UBXN2A: variants seen among roughly 807,000 people sequenced by gnomAD.
UBXN2A encodes the protein UBX domain protein 2A.
Under a neutral mutation model 28.4 loss-of-function variants are expected in UBXN2A, and 28 were observed. The ratio of observed to expected loss-of-function variants is 0.99; its 90% CI spans 0.73 to 1.35. The LOEUF (loss-of-function observed/expected upper bound fraction) is 1.35, where lower values mean the gene tolerates loss of function less well. Ranked by LOEUF, UBXN2A falls within the 40% of genes most tolerant of loss-of-function variation. The pLI, the probability that UBXN2A is intolerant of heterozygous loss-of-function variation, is 0.00. For missense variants in UBXN2A, 253 were observed against 297.9 expected, an observed-to-expected ratio of 0.85 and a Z score of 1.11; for synonymous variants, 97 against 103.6, an observed-to-expected ratio of 0.94 and a Z score of 0.39.
intron 6 of UBXN2A, among the ~76,000 whole-genome samples, chr2:23,996,052 C>T (rs1434590082): frequency 2.0e-5 from 3 of 150,568 alleles, no homozygotes; most frequent in Non-Finnish European, 4.4e-5. Flanking sequence ...GTGTGCGTCA[C>T]CACGCCTGGC....
At chr2:23,971,202 T>C (rs1707401433) in intron 2 of UBXN2A, 74 bp from the exon 3 acceptor site, 1 of 1,416,162 alleles carries the variant, frequency 7.1e-7, no homozygotes, top group Admixed American at 2.2e-5. Context: ...TTCAATATCC[T>C]TAACTAGAAC....
chr2:23,986,935 G>A (rs1708155571), intron 6 of UBXN2A, among the ~76,000 whole-genome samples: 2 of 151,666 alleles, frequency 1.3e-5, no homozygotes, highest in Admixed American at 1.3e-4. Context: ...TTGGCTGGGT[G>A]TCGTGGCTCA....
rs760119738 is a variant in UBXN2A at position 24,003,451 on chromosome 2, G to C, written c.*3584G>C. On this transcript the variant is annotated 3_prime_UTR_variant, in exon 7 of 7. Transcript: ENST00000309033. The stretch of plus-strand genomic sequence containing the variant: ...TACTAAGGACTCAGGAATAACAACA[G>C]GGAAATATCTATGTAACTAGATGAC... 4 of 152,072 alleles carry C rather than the reference G, an allele frequency of 2.6e-5. No individual in the cohort carries two copies. Among genetic ancestry groups the C allele is most frequent in the Non-Finnish European group, 5.9e-5 (4 of 68,026 alleles). 9.4% of individuals were successfully genotyped at this position (152,072 alleles called of 1,614,324 possible).
chr2:23,971,679 G>A (rs113160343), intron 3 of UBXN2A, among the ~76,000 whole-genome samples: 150 of 152,128 alleles, frequency 9.9e-4, no homozygotes, highest in African/African-American at 3.5e-3. Flanking sequence ...TTGTAGAGAC[G>A]GGGTCTTGCT....
At chr2:23,956,418 T>C (rs1706628043) in intron 1 of UBXN2A, among the ~76,000 whole-genome samples, 4 of 152,154 alleles carry the variant, frequency 2.6e-5, no homozygotes, top group Admixed American at 2.6e-4. Flanking sequence ...AGTGGCGCAG[T>C]CTCAGCTCAC....
chr2:23,934,902 C>T (rs1261618355), intron 1 of UBXN2A, among the ~76,000 whole-genome samples: 2 of 152,050 alleles, frequency 1.3e-5, no homozygotes, highest in African/African-American at 2.4e-5. Flanking sequence ...GGTAAAACCC[C>T]GTCTCTACTA....
chr2:23,979,778 C>G (rs528009877), intron 4 of UBXN2A, among the ~76,000 whole-genome samples: 1 of 151,788 alleles, frequency 6.6e-6, no homozygotes, highest in Non-Finnish European at 1.5e-5. Context: ...GCTGTGTTAC[C>G]CAGGCTGGTC....
intron 5 of UBXN2A, among the ~76,000 whole-genome samples, chr2:23,983,583 G>T (rs956585260): frequency 2.0e-5 from 3 of 151,994 alleles, no homozygotes; most frequent in Non-Finnish European, 2.9e-5. Context: ...AAATCAAAAG[G>T]GCTTGGCTTA....
chr2:23,996,310 G>A (rs755122497), intron 6 of UBXN2A, among the ~76,000 whole-genome samples: 3 of 151,560 alleles, frequency 2.0e-5, no homozygotes, highest in Admixed American at 6.6e-5. Flanking sequence ...CAGGTGATCT[G>A]TCTGCCTCAG....
chr2:24,001,662 A>T lies in UBXN2A; in HGVS notation c.*1795A>T, dbSNP rs896955394. 1.1e-4 allele frequency: 16 copies of T among 151,778 alleles called. No individual in the cohort carries two copies. Among genetic ancestry groups the T allele is most frequent in the South Asian group, 4.1e-4 (2 of 4,828 alleles). 9.4% of individuals were successfully genotyped at this position (151,778 alleles called of 1,614,324 possible). ...TTATTATATTAAATATTAAATTTTT[A>T]AAATATTTATTTATGGGCCAGGCAC... On this transcript the variant is annotated 3_prime_UTR_variant, in exon 7 of 7. Coordinates refer to ENST00000309033, the MANE Select transcript of UBXN2A (RefSeq NM_181713.4).
At chr2:23,978,459 CG>C (rs1294563179) in intron 4 of UBXN2A, among the ~76,000 whole-genome samples, 1 of 149,894 alleles carries the variant, frequency 6.7e-6, no homozygotes, top group Non-Finnish European at 1.5e-5. Context: ...CTGGCTAACA[CG>C]GTGAAACTCT....
intron 1 of UBXN2A, among the ~76,000 whole-genome samples, chr2:23,949,654 C>T (rs1706266503): frequency 6.6e-6 from 1 of 152,158 alleles, no homozygotes; most frequent in African/African-American, 2.4e-5. Context: ...GCAGGAGGAT[C>T]ACCTGAGGTC....
intron 2 of UBXN2A, among the ~76,000 whole-genome samples, chr2:23,963,881 CA>C (rs1348838563): frequency 2.6e-5 from 4 of 152,122 alleles, no homozygotes; most frequent in Admixed American, 2.6e-4. Context: ...GTAATGCCAA[CA>C]TTTTGGGAAC....
chr2:23,946,997 C>G (rs1182574881), intron 1 of UBXN2A, among the ~76,000 whole-genome samples: 1 of 151,434 alleles, frequency 6.6e-6, no homozygotes, highest in South Asian at 2.1e-4. Flanking sequence ...AAGCAACTCT[C>G]CTGCCTCAGC....
At chr2:23,975,604 G>A (rs558409337) in intron 3 of UBXN2A, among the ~76,000 whole-genome samples, 7 of 152,252 alleles carry the variant, frequency 4.6e-5, no homozygotes, top group Admixed American at 3.9e-4. Context: ...ATGTTAAAAA[G>A]CAGACTTATT....
chr2:23,993,022 A>G (rs1182234837), intron 6 of UBXN2A, among the ~76,000 whole-genome samples: 3 of 152,082 alleles, frequency 2.0e-5, no homozygotes, highest in African/African-American at 7.2e-5. Flanking sequence ...GGTGCTTTCT[A>G]TGTGTTTGGC....
chr2:23,941,741 T>G (rs567600380), intron 1 of UBXN2A, among the ~76,000 whole-genome samples: 198 of 152,348 alleles, frequency 1.3e-3, no homozygotes, highest in Non-Finnish European at 8.8e-4. Context: ...GACTCTGCCT[T>G]TAGACTCTAC....
At chr2:23,934,363 A>G (rs1208682558) in intron 1 of UBXN2A, among the ~76,000 whole-genome samples, 1 of 152,250 alleles carries the variant, frequency 6.6e-6, no homozygotes, top group Non-Finnish European at 1.5e-5. Context: ...TGTTGCTAGT[A>G]GCCAATGTGT....
chr2:23,979,068 G>GGC (rs1205726232), intron 4 of UBXN2A, among the ~76,000 whole-genome samples: 1 of 152,024 alleles, frequency 6.6e-6, no homozygotes, highest in Admixed American at 6.6e-5. Flanking sequence ...AAATCAGCCA[G>GGC]GCATGGTGGC....
Sources: gnomAD v4.1 joint callset for allele counts (sites outside exome capture counted in the v4.1 genomes callset) on GRCh38, gnomAD v4.1.1 for gene constraint, MANE v1.5 for transcripts, NCBI Gene and HGNC (gene_info 2026-07-23, HGNC 2026-07-21) for gene names.